Variants in RBMS3 observed in about 807,000 individuals in gnomAD.
RBMS3 encodes RNA-binding motif, single-stranded-interacting protein 3.
A neutral mutation model predicts 66.8 loss-of-function variants in RBMS3; 27 were observed. The ratio of observed to expected loss-of-function variants is 0.40; its 90% confidence interval spans 0.30 to 0.56. The LOEUF is 0.56. Among genes scored for constraint, RBMS3 ranks in the 20% least tolerant of loss-of-function variants. The pLI is 0.40. For missense variants in RBMS3, 513 were observed against 549.5 expected, an observed-to-expected ratio of 0.93 and a Z score of 0.66; for synonymous variants, 188 against 183.0, an observed-to-expected ratio of 1.03 and a Z score of -0.22.
At chr3:29,529,628 T>C (rs1310749320) in intron 3 of RBMS3, among the ~76,000 whole-genome samples, 5 of 152,166 alleles carry the variant, frequency 3.3e-5, no homozygotes, top group Non-Finnish European at 7.3e-5. Context: ...ACATTTCAAA[T>C]TTTTCATATA....
In RBMS3 at chr3:29,462,558, T is replaced by C. The variant is rs149062596; in HGVS notation, c.249-25883T>C. On this transcript the variant is annotated intron_variant, in intron 2 of 14. Coordinates refer to ENST00000383767, the MANE Select transcript of RBMS3 (RefSeq NM_001003793.3). Reference sequence around the variant, plus strand: ...AGTTTTCTTGACTGTTTCTTAAATATCAGTTCTGGGATAATGCTACCCACT... The same window carrying C: ...AGTTTTCTTGACTGTTTCTTAAATACCAGTTCTGGGATAATGCTACCCACT... Among the ~76,000 whole-genome samples the C allele has an allele frequency of 2.3e-3, 343 of 152,324 alleles. 2 individuals carry two copies. Among genetic ancestry groups the C allele is most frequent in the African/African-American group, 8.0e-3 (332 of 41,564 alleles).
At chr3:29,466,818 T>C (rs544988273) in intron 2 of RBMS3, among the ~76,000 whole-genome samples, 1 of 152,292 alleles carries the variant, frequency 6.6e-6, no homozygotes, top group Admixed American at 6.5e-5. Context: ...ATTTAGGTAA[T>C]AATTGCACTA....
chr3:29,409,805 T>C (rs1559556774), intron 1 of RBMS3, among the ~76,000 whole-genome samples: 1 of 152,240 alleles, frequency 6.6e-6, no homozygotes, highest in East Asian at 1.9e-4. Flanking sequence ...GCAGATAATT[T>C]ATGTGGTCAA....
At chr3:29,734,092 C>A (rs1256454216) in intron 4 of RBMS3, among the ~76,000 whole-genome samples, 1 of 151,976 alleles carries the variant, frequency 6.6e-6, no homozygotes, top group East Asian at 1.9e-4. Flanking sequence ...TCATGCATGA[C>A]AACATAGATG....
intron 12 of RBMS3, among the ~76,000 whole-genome samples, chr3:29,974,219 C>G (rs750310177): frequency 4.0e-5 from 6 of 151,864 alleles, no homozygotes; most frequent in African/African-American, 1.4e-4. Flanking sequence ...TTCAAGACAA[C>G]CATTTTATAC....
intron 10 of RBMS3, among the ~76,000 whole-genome samples, chr3:29,934,613 C>T (rs934204126): frequency 2.0e-5 from 3 of 152,022 alleles, no homozygotes; most frequent in Admixed American, 6.6e-5. Context: ...ACAGAAGCAT[C>T]GAGAAATTCA....
chr3:29,763,460 A>C (rs531327526), intron 6 of RBMS3, among the ~76,000 whole-genome samples: 2 of 152,026 alleles, frequency 1.3e-5, no homozygotes, highest in Non-Finnish European at 2.9e-5. Context: ...AATGTCATGA[A>C]ATCTCAGTGC....
At chr3:29,588,494 G>A (rs2047611756) in intron 4 of RBMS3, among the ~76,000 whole-genome samples, 1 of 151,982 alleles carries the variant, frequency 6.6e-6, no homozygotes, top group Admixed American at 6.6e-5. Context: ...AAGATATTTG[G>A]TTTCTTCATC....
chr3:29,287,135 G>A (rs187759665), intron 1 of RBMS3, among the ~76,000 whole-genome samples: 65 of 152,240 alleles, frequency 4.3e-4, no homozygotes, highest in Middle Eastern at 3.4e-3. Context: ...ATTTTTTGCA[G>A]TAGTGGGAAA....
intron 6 of RBMS3, among the ~76,000 whole-genome samples, chr3:29,840,453 AAC>A (rs2058634271): frequency 6.6e-6 from 1 of 152,052 alleles, no homozygotes; most frequent in Non-Finnish European, 1.5e-5. Context: ...GACATAATAA[AAC>A]ACGGCTAAAT....
chr3:29,725,749 G>A (rs1327110921), intron 4 of RBMS3, among the ~76,000 whole-genome samples: 1 of 152,146 alleles, frequency 6.6e-6, no homozygotes, highest in Non-Finnish European at 1.5e-5. Context: ...CCCAGGACCA[G>A]ATGGATTCAG....
intron 4 of RBMS3, among the ~76,000 whole-genome samples, chr3:29,607,096 G>T (rs2048340443): frequency 6.6e-6 from 1 of 151,838 alleles, no homozygotes; most frequent in Non-Finnish European, 1.5e-5. Flanking sequence ...CATTCTGTGT[G>T]GGTTTCAGAA....
At chr3:29,495,077 C>A (rs1050933942) in intron 3 of RBMS3, among the ~76,000 whole-genome samples, 12 of 147,642 alleles carry the variant, frequency 8.1e-5, no homozygotes, top group Non-Finnish European at 1.1e-4. Context: ...GTTCTGAAAT[C>A]ATCCATGAAG....
chr3:29,307,838 A>T (rs1011631367), intron 1 of RBMS3, among the ~76,000 whole-genome samples: 2 of 151,922 alleles, frequency 1.3e-5, no homozygotes, highest in Admixed American at 1.3e-4. Context: ...GTTGAACATA[A>T]ATCAACTTGA....
chr3:29,642,795 G>C (rs149245809), intron 4 of RBMS3: 1 of 152,298 alleles, frequency 6.6e-6, no homozygotes, highest in East Asian at 1.9e-4. Flanking sequence ...GTTCCAGCTA[G>C]TGCTCAGAGA....
chr3:29,591,004 C>T (rs1161745959), intron 4 of RBMS3, among the ~76,000 whole-genome samples: 1 of 152,116 alleles, frequency 6.6e-6, no homozygotes, highest in Non-Finnish European at 1.5e-5. Context: ...AAAGGTTTTT[C>T]CAGAATCTCA....
intron 12 of RBMS3, among the ~76,000 whole-genome samples, chr3:29,974,961 C>G (rs1367797352): frequency 8.0e-6 from 1 of 124,814 alleles, no homozygotes; most frequent in Non-Finnish European, 1.7e-5. Flanking sequence ...ATATAAAATA[C>G]GTTTCTATAT....
chr3:29,863,881 G>C (rs953827149), intron 6 of RBMS3, among the ~76,000 whole-genome samples: 2 of 152,148 alleles, frequency 1.3e-5, no homozygotes, highest in African/African-American at 4.8e-5. Flanking sequence ...TTTTATGCCA[G>C]TCGGTAGAAG....
At chr3:29,670,893 A>G (rs1264818850) in intron 4 of RBMS3, among the ~76,000 whole-genome samples, 1 of 152,324 alleles carries the variant, frequency 6.6e-6, no homozygotes, top group African/African-American at 2.4e-5. Context: ...ACAGTTTTGA[A>G]GAGAGCATTG....
Sources: allele counts gnomAD v4.1 joint callset (sites outside exome capture counted in the v4.1 genomes callset), GRCh38; gene constraint gnomAD v4.1.1; transcripts MANE v1.5; gene names NCBI Gene and HGNC (gene_info 2026-07-23, HGNC 2026-07-21).